The following SNTG1 variants were observed in gnomAD, a reference collection of about 807,000 sequenced individuals.
The protein encoded by SNTG1 is syntrophin gamma 1.
SNTG1 carries 39 observed loss-of-function variants against 74.7 expected under a neutral mutation model. The observed-to-expected ratio is 0.52, with a 90% CI of 0.40 to 0.68. The LOEUF is 0.68. Among genes scored for constraint, SNTG1 ranks in the 30% least tolerant of loss-of-function variants. The pLI, the probability that SNTG1 is intolerant of heterozygous loss-of-function variation, is 0.00. For missense variants in SNTG1, 685 were observed against 609.5 expected (o/e 1.12, Z -1.30); for synonymous variants, 254 against 217.1 (o/e 1.17, Z -1.49).
intron 16 of SNTG1, chr8:50,707,940 C>T (rs986366716): frequency 1.7e-4 from 66 of 390,876 alleles, no homozygotes; most frequent in Middle Eastern, 1.3e-3. Context: ...CAGTGGCTCA[C>T]GCCTGTAATC....
chr8:49,931,431 G>C (rs930872718), intron 1 of SNTG1, among the ~76,000 whole-genome samples: 1 of 152,158 alleles, frequency 6.6e-6, no homozygotes, highest in Non-Finnish European at 1.5e-5. Flanking sequence ...TGGGGGCACA[G>C]GTGGAAAAAC....
At chr8:50,666,665 C>T (rs899371539) in intron 15 of SNTG1, among the ~76,000 whole-genome samples, 3 of 151,978 alleles carry the variant, frequency 2.0e-5, no homozygotes, top group African/African-American at 7.3e-5. Context: ...CATATAGAGA[C>T]AACACAGTAA....
chr8:50,348,110 C>T (rs1240698747), intron 2 of SNTG1, among the ~76,000 whole-genome samples: 4 of 152,162 alleles, frequency 2.6e-5, no homozygotes, highest in Non-Finnish European at 5.9e-5. Flanking sequence ...CTGAGTACAT[C>T]CTGGGATAGG....
At chr8:50,653,936 A>T (rs1271075924) in intron 13 of SNTG1, among the ~76,000 whole-genome samples, 1 of 152,186 alleles carries the variant, frequency 6.6e-6, no homozygotes, top group Non-Finnish European at 1.5e-5. Flanking sequence ...TATATTATAA[A>T]TCGTCTGCCT....
intron 17 of SNTG1, among the ~76,000 whole-genome samples, chr8:50,745,706 A>G: frequency 6.6e-6 from 1 of 152,014 alleles, no homozygotes; most frequent in East Asian, 1.9e-4. Flanking sequence ...TTTTCAGACA[A>G]TGGAATATTA....
At chr8:50,104,367 C>A (rs1273769752) in intron 1 of SNTG1, among the ~76,000 whole-genome samples, 1 of 152,106 alleles carries the variant, frequency 6.6e-6, no homozygotes. Context: ...TTGAAGTATT[C>A]TCTGATGGTA....
rs1821625064 is a variant in SNTG1 at position 50,074,235 on chromosome 8, C to A, written c.-102-98326C>A. ...TACTTTTATGTTATGATGATGACTT[C>A]TTTTCTTAAACCTCATGAATCAGCA... On this transcript the variant is annotated intron_variant, in intron 1 of 18. Coordinates refer to ENST00000642720, the MANE Select transcript of SNTG1 (RefSeq NM_018967.5). Among the ~76,000 whole-genome samples, 2 of 152,276 alleles carry A rather than the reference C, an allele frequency of 1.3e-5. 1 individual carries two copies. Among genetic ancestry groups the A allele is most frequent in the Non-Finnish European group, 2.9e-5 (2 of 68,022 alleles).
chr8:50,158,451 G>C (rs1364395130), intron 1 of SNTG1, among the ~76,000 whole-genome samples: 1 of 152,134 alleles, frequency 6.6e-6, no homozygotes, highest in African/African-American at 2.4e-5. Context: ...CTCAGTGAAT[G>C]CTATGCCTAT....
chr8:50,031,025 A>C (rs1345079828), intron 1 of SNTG1, among the ~76,000 whole-genome samples: 1 of 151,886 alleles, frequency 6.6e-6, no homozygotes, highest in African/African-American at 2.4e-5. Context: ...GTCCTTTATG[A>C]TTTCAACATG....
Position 50,184,943 on chromosome 8 carries a change from ATTGT to A in SNTG1, c.-28+12310_-28+12313del, listed in dbSNP as rs1286274674. 2.0e-5 allele frequency among the ~76,000 whole-genome samples: 3 copies of A among 152,302 alleles called. No homozygotes were observed. In the South Asian group the frequency reaches 6.2e-4, roughly 32 times the overall value. ...AATATTTTTATAATATAAAATTATGATTGTTCTTTTTTAACAAAACAAAGAAAAA... is the reference window on the plus strand; with the variant it reads ...AATATTTTTATAATATAAAATTATGATCTTTTTTAACAAAACAAAGAAAAA... On this transcript the variant is annotated intron_variant, in intron 2 of 18. Coordinates refer to ENST00000642720, the MANE Select transcript of SNTG1 (RefSeq NM_018967.5).
At chr8:50,777,268 T>G (rs2095643643) in intron 18 of SNTG1, among the ~76,000 whole-genome samples, 1 of 148,016 alleles carries the variant, frequency 6.8e-6, no homozygotes, top group Non-Finnish European at 1.5e-5. Context: ...TATATTTGTT[T>G]TAGTCTCACA....
At chr8:50,440,359 T>C (rs2093347194) in intron 5 of SNTG1, among the ~76,000 whole-genome samples, 2 of 152,062 alleles carry the variant, frequency 1.3e-5, no homozygotes, top group Admixed American at 6.5e-5. Flanking sequence ...ACTTCATTTT[T>C]CTATTTTTTA....
At chr8:50,668,337 T>C (rs1394102369) in intron 15 of SNTG1, among the ~76,000 whole-genome samples, 1 of 151,730 alleles carries the variant, frequency 6.6e-6, no homozygotes, top group East Asian at 1.9e-4. Flanking sequence ...AATTCTCATG[T>C]TTCAAAATTT....
chr8:50,491,638 G>A (rs2093854809), intron 8 of SNTG1, among the ~76,000 whole-genome samples: 1 of 152,196 alleles, frequency 6.6e-6, no homozygotes, highest in Non-Finnish European at 1.5e-5. Context: ...AGCTTAGAGG[G>A]GCACCCAGCG....
At chr8:50,059,018 C>T (rs138032223) in intron 1 of SNTG1, among the ~76,000 whole-genome samples, 1,874 of 152,170 alleles carry the variant, frequency 0.012, 19 homozygotes, top group Non-Finnish European at 0.021. Flanking sequence ...TTTGGGATTG[C>T]CTTTTTTCAC....
chr8:50,612,006 C>T (rs532687576), intron 13 of SNTG1, among the ~76,000 whole-genome samples: 1 of 152,236 alleles, frequency 6.6e-6, no homozygotes, highest in African/African-American at 2.4e-5. Context: ...GGTTCATCTG[C>T]CTCGGCCTCC....
At position 49,918,831 on chromosome 8, in the gene SNTG1, AT is replaced by A. The variant is rs375682391; in HGVS notation, c.-103+6604del. Reference sequence around the variant, plus strand: ...TATTTTGCCTAATTGGTATTTGTATATTTTAATTTCTTTTTTTGCTAGAAGT... The same window carrying A: ...TATTTTGCCTAATTGGTATTTGTATATTTAATTTCTTTTTTTGCTAGAAGT... On this transcript the variant is annotated intron_variant, in intron 1 of 18. Coordinates refer to ENST00000642720, the MANE Select transcript of SNTG1 (RefSeq NM_018967.5). Among the ~76,000 whole-genome samples the A allele has an allele frequency of 8.9e-3, 1,355 of 152,244 alleles. 10 individuals are homozygous for A. The highest frequency in any genetic ancestry group is 0.041 in the Middle Eastern group (12 of 294).
Position 50,704,612 on chromosome 8 carries a change from C to T in SNTG1, c.1051C>T (p.Leu351=), listed in dbSNP as rs1303283231. 6 of 1,613,994 alleles carry T rather than the reference C, an allele frequency of 3.7e-6. No individual in the cohort carries two copies. Among genetic ancestry groups the T allele is most frequent in the Non-Finnish European group, 5.1e-6 (6 of 1,180,018 alleles). Reference sequence around the variant, plus strand: ...AGGTTTTCACCAGGACAGTGACCTGCTGGACCGACGGAAACAGTGCTTCAC... The same window carrying T: ...AGGTTTTCACCAGGACAGTGACCTGTTGGACCGACGGAAACAGTGCTTCAC... The part of the protein sequence containing the change: ...MCKILKDSDL[L]DRRKQCFTVQ... Residue 351 remains leucine, a synonymous_variant, in exon 16 of 19, where the codon CTG becomes TTG. Transcript: ENST00000642720.
chr8:49,999,991 T>C (rs958901771), intron 1 of SNTG1, among the ~76,000 whole-genome samples: 3 of 152,190 alleles, frequency 2.0e-5, no homozygotes, highest in African/African-American at 7.2e-5. Flanking sequence ...TGAATAATTG[T>C]ATCTGGTATT....
Sources: gnomAD v4.1 joint callset for allele counts (sites outside exome capture counted in the v4.1 genomes callset) on GRCh38, gnomAD v4.1.1 for gene constraint, MANE v1.5 for transcripts, NCBI Gene and HGNC (gene_info 2026-07-23, HGNC 2026-07-21) for gene names.